PLPPR1: variants seen among roughly 807,000 people sequenced by gnomAD.
The protein encoded by PLPPR1 is phospholipid phosphatase related 1.
PLPPR1 carries 10 observed loss-of-function variants against 33.1 expected under a neutral mutation model. The ratio of observed to expected loss-of-function variants is 0.30; its 90% CI spans 0.19 to 0.51. The LOEUF is 0.51. PLPPR1 is among the 20% of genes least tolerant of loss of function. The pLI is 0.97. For synonymous variants in PLPPR1, 151 were observed against 151.0 expected (o/e 1.00, Z 0.00); for missense variants, 304 against 408.1 (o/e 0.74, Z 2.20).
chr9:101,175,418 A>T (rs1826004450), intron 1 of PLPPR1, among the ~76,000 whole-genome samples: 1 of 152,170 alleles, frequency 6.6e-6, no homozygotes, highest in Admixed American at 6.6e-5. Context: ...AATAAAATAA[A>T]ACATTTTTGT....
At chr9:101,085,918 G>A (rs1473000590) in intron 1 of PLPPR1, among the ~76,000 whole-genome samples, 1 of 151,958 alleles carries the variant, frequency 6.6e-6, no homozygotes, top group African/African-American at 2.4e-5. Context: ...GTGTCTCTTT[G>A]CCTTGTTCCT....
At chr9:101,135,471 A>G (rs527406444) in intron 1 of PLPPR1, among the ~76,000 whole-genome samples, 10 of 152,200 alleles carry the variant, frequency 6.6e-5, no homozygotes, top group East Asian at 1.9e-4. Flanking sequence ...TAAATGGTCC[A>G]GTTTTGTTTT....
chr9:101,206,006 G>T (rs971660264), intron 2 of PLPPR1, among the ~76,000 whole-genome samples: 1 of 152,186 alleles, frequency 6.6e-6, no homozygotes, highest in East Asian at 1.9e-4. Context: ...GGGTAAGACA[G>T]TCATGAGGGT....
At chr9:101,250,192 A>C (rs1415818578) in intron 2 of PLPPR1, among the ~76,000 whole-genome samples, 1 of 151,974 alleles carries the variant, frequency 6.6e-6, no homozygotes, top group Non-Finnish European at 1.5e-5. Context: ...CAGCCCCACC[A>C]TTCTGCCTCA....
chr9:101,267,164 C>T (rs912512148), intron 2 of PLPPR1, among the ~76,000 whole-genome samples: 1 of 152,176 alleles, frequency 6.6e-6, no homozygotes, highest in African/African-American at 2.4e-5. Context: ...GGTGTTATTT[C>T]ATCTTCAAAA....
Position 101,312,976 on chromosome 9 carries a change from T to C in PLPPR1, c.813+2T>C, listed in dbSNP as rs754091616. The C allele has an allele frequency of 1.2e-6, 2 of 1,613,848 alleles. No homozygotes were observed. The highest frequency in any genetic ancestry group is 1.3e-5 in the African/African-American group (1 of 74,920). ...GGCACTGCAGTGGCCCTGTTTCTGG[T>C]AGGTTGACTTCCCTCTTTTTACCTT... On this transcript the variant is annotated splice_donor_variant, in intron 6 of 7. Transcript: ENST00000374874. LOFTEE classifies it high-confidence loss of function.
chr9:101,219,036 G>A (rs985220579), intron 2 of PLPPR1, among the ~76,000 whole-genome samples: 9 of 152,174 alleles, frequency 5.9e-5, no homozygotes, highest in African/African-American at 2.2e-4. Flanking sequence ...GAGGAACAGA[G>A]GAAAGGATAG....
intron 4 of PLPPR1, among the ~76,000 whole-genome samples, chr9:101,295,276 A>C (rs895125009): frequency 6.6e-6 from 1 of 151,914 alleles, no homozygotes; most frequent in Non-Finnish European, 1.5e-5. Context: ...GGAGAACTAC[A>C]AACCGCTGCT....
rs1828335738 is a variant in PLPPR1, at chr9:101,283,343, C to T, written c.253-2761C>T. 2.0e-5 allele frequency among the ~76,000 whole-genome samples: 3 copies of T among 152,060 alleles called. No homozygotes were observed. The South Asian group carries it at 6.2e-4, about 31-fold the overall frequency. On this transcript the variant is annotated intron_variant, in intron 3 of 7. Coordinates refer to ENST00000374874, the MANE Select transcript of PLPPR1 (RefSeq NM_207299.2). Reference sequence around the variant, plus strand: ...AAAGACCAATGGAATAGAACAGAACCCAGAAATAAATCCACACGTTTATAG... The same window carrying T: ...AAAGACCAATGGAATAGAACAGAACTCAGAAATAAATCCACACGTTTATAG...
At chr9:101,160,227 G>C (rs1039782270) in intron 1 of PLPPR1, among the ~76,000 whole-genome samples, 3 of 152,162 alleles carry the variant, frequency 2.0e-5, no homozygotes, top group African/African-American at 7.2e-5. Flanking sequence ...TGAGGACTTG[G>C]TTGGAGAATA....
At chr9:101,111,068 A>G (rs4742805) in intron 1 of PLPPR1, among the ~76,000 whole-genome samples, 127,735 of 152,018 alleles carry the variant, frequency 0.84, 54,276 homozygotes, top group Middle Eastern at 0.94. Context: ...CATATATTAG[A>G]TGATGACCCT....
chr9:101,310,063 C>A (rs1276456621), intron 5 of PLPPR1, among the ~76,000 whole-genome samples: 7 of 152,150 alleles, frequency 4.6e-5, no homozygotes, highest in Admixed American at 3.9e-4. Context: ...CCATTGACTG[C>A]CCCACTGGGG....
intron 1 of PLPPR1, among the ~76,000 whole-genome samples, chr9:101,158,875 G>C (rs12352148): frequency 0.17 from 25,959 of 152,228 alleles, 2,409 homozygotes; most frequent in Non-Finnish European, 0.22. Flanking sequence ...AGGGGTACAT[G>C]CTAGCACCAA....
chr9:101,187,563 A>G (rs1252584923), intron 2 of PLPPR1: 2 of 152,006 alleles, frequency 1.3e-5, no homozygotes, highest in African/African-American at 4.8e-5. Context: ...GAAGTAGGAC[A>G]CAGAAGACAT....
At chr9:101,119,436 A>G (rs922992276) in intron 1 of PLPPR1, among the ~76,000 whole-genome samples, 2 of 152,226 alleles carry the variant, frequency 1.3e-5, no homozygotes, top group Admixed American at 6.5e-5. Context: ...GCTGCAGAGC[A>G]TGGTCCAGTG....
chr9:101,269,933 C>T lies in PLPPR1; in HGVS notation c.117C>T (p.Asp39=), dbSNP rs1413729622. Residue 39 remains aspartate (D), a synonymous_variant, in exon 3 of 8, where the codon GAC becomes GAT. Coordinates refer to ENST00000374874, the MANE Select transcript of PLPPR1 (RefSeq NM_207299.2). ...VLLAYYFECT[D]TFQVHIQGFF... ...TTGCCTACTACTTCGAATGCACTGA[C>T]ACTTTTCAGGTGCATATCCAAGGAT... 3 of 1,614,038 alleles carry T rather than the reference C, an allele frequency of 1.9e-6. No individual in the cohort carries two copies. Among genetic ancestry groups the T allele is most frequent in the Non-Finnish European group, 2.5e-6 (3 of 1,180,010 alleles).
chr9:101,239,869 C>A (rs935855037), intron 2 of PLPPR1, among the ~76,000 whole-genome samples: 2 of 151,982 alleles, frequency 1.3e-5, no homozygotes, highest in Admixed American at 6.6e-5. Flanking sequence ...ACTGTTGTTT[C>A]CTTTGCTGTG....
intron 4 of PLPPR1, among the ~76,000 whole-genome samples, chr9:101,302,443 C>A (rs1828770878): frequency 6.6e-6 from 1 of 152,174 alleles, no homozygotes; most frequent in Admixed American, 6.5e-5. Context: ...CCTAAAGAAA[C>A]TGTGGTTTCC....
chr9:101,244,960 A>G (rs1352123819), intron 2 of PLPPR1, among the ~76,000 whole-genome samples: 1 of 152,028 alleles, frequency 6.6e-6, no homozygotes, highest in Admixed American at 6.6e-5. Flanking sequence ...TAGTCATTAG[A>G]GAAGTGCAAG....
Sources: gnomAD v4.1 joint callset for allele counts (sites outside exome capture counted in the v4.1 genomes callset) on GRCh38, gnomAD v4.1.1 for gene constraint, MANE v1.5 for transcripts, NCBI Gene and HGNC (gene_info 2026-07-23, HGNC 2026-07-21) for gene names.